Variants in PKHD1 observed in about 807,000 individuals in gnomAD.
PKHD1 encodes fibrocystin.
A neutral mutation model predicts 412.0 loss-of-function variants in PKHD1; 291 were observed. The ratio of observed to expected loss-of-function variants is 0.71; its 90% confidence interval spans 0.64 to 0.78. The LOEUF is 0.78. Among genes scored for constraint, PKHD1 ranks in the 30% least tolerant of loss-of-function variants. The pLI is 0.00. For missense variants in PKHD1, 4,825 were observed against 4,950.7 expected (o/e 0.97, Z 0.76); for synonymous variants, 1,777 against 1,821.5 (o/e 0.98, Z 0.62).
intron 60 of PKHD1, among the ~76,000 whole-genome samples, chr6:51,725,077 G>T (rs1255897864): frequency 6.6e-6 from 1 of 152,114 alleles, no homozygotes; most frequent in African/African-American, 2.4e-5. Flanking sequence ...GTTAAAGTAG[G>T]TCCAGAAATA....
chr6:51,965,985 G>GA (rs1792743320), intron 35 of PKHD1, among the ~76,000 whole-genome samples: 1 of 152,082 alleles, frequency 6.6e-6, no homozygotes, highest in Non-Finnish European at 1.5e-5. Flanking sequence ...ACTTGTGGGA[G>GA]AAAAAATGAT....
rs184779723 is a variant in PKHD1 at position 51,928,334 on chromosome 6, T to C, written c.6121+5776A>G. Among the ~76,000 whole-genome samples the C allele has an allele frequency of 1.0e-3, 157 of 152,266 alleles. 1 individual carries two copies. The highest frequency in any genetic ancestry group is 3.6e-3 in the African/African-American group (150 of 41,570). The stretch of plus-strand genomic sequence containing the variant: ...GGACAAGAAAAAGGATCCATCAGAA[T>C]ACAGACGAAGGTAGTGACTAAAGAA... On this transcript the variant is annotated intron_variant, in intron 37 of 66. Coordinates refer to ENST00000371117, the MANE Select transcript of PKHD1 (RefSeq NM_138694.4).
chr6:51,832,291 G>A (rs1768388733), intron 51 of PKHD1, among the ~76,000 whole-genome samples: 1 of 152,028 alleles, frequency 6.6e-6, no homozygotes, highest in Admixed American at 6.6e-5. Context: ...TAAAGCCTTA[G>A]AAGTTATTCA....
intron 22 of PKHD1, among the ~76,000 whole-genome samples, chr6:52,048,878 A>G (rs1245565385): frequency 6.6e-6 from 1 of 152,198 alleles, no homozygotes; most frequent in Non-Finnish European, 1.5e-5. Context: ...CCTCTCTGCC[A>G]CTGAAGATGT....
chr6:51,829,555 C>T (rs1767896122), intron 52 of PKHD1, among the ~76,000 whole-genome samples: 1 of 152,034 alleles, frequency 6.6e-6, no homozygotes, highest in South Asian at 2.1e-4. Context: ...GACTCACGAG[C>T]TTGTTTATTC....
chr6:51,654,750 T>C (rs1771537867), intron 61 of PKHD1, among the ~76,000 whole-genome samples: 1 of 151,964 alleles, frequency 6.6e-6, no homozygotes, highest in African/African-American at 2.4e-5. Flanking sequence ...TCTGGCACCA[T>C]TCAGTATACG....
intron 48 of PKHD1, among the ~76,000 whole-genome samples, chr6:51,863,831 A>C (rs1445359297): frequency 2.0e-5 from 3 of 152,186 alleles, no homozygotes; most frequent in Non-Finnish European, 1.5e-5. Flanking sequence ...CTAAAGGAAG[A>C]TCTGGGGGCA....
chr6:51,670,279 T>C (rs1008826100), intron 60 of PKHD1, among the ~76,000 whole-genome samples: 3 of 152,208 alleles, frequency 2.0e-5, no homozygotes, highest in African/African-American at 4.8e-5. Context: ...TCTTGTTGAA[T>C]TGATCCGTTT....
At chr6:51,680,428 A>G (rs997379473) in intron 60 of PKHD1, among the ~76,000 whole-genome samples, 2 of 152,048 alleles carry the variant, frequency 1.3e-5, no homozygotes, top group Non-Finnish European at 2.9e-5. Context: ...CCAAGTAACT[A>G]TTGCCCCTAG....
At chr6:51,769,808 T>A (rs1251223364) in intron 55 of PKHD1, among the ~76,000 whole-genome samples, 1 of 151,582 alleles carries the variant, frequency 6.6e-6, no homozygotes, top group Non-Finnish European at 1.5e-5. Flanking sequence ...TGATGACATG[T>A]TCTATAATAT....
intron 60 of PKHD1, among the ~76,000 whole-genome samples, chr6:51,674,980 TA>T (rs1463122162): frequency 2.6e-4 from 40 of 152,278 alleles, no homozygotes; most frequent in African/African-American, 8.9e-4. Context: ...AATTAAAAAA[TA>T]TATGTATTTT....
intron 43 of PKHD1, among the ~76,000 whole-genome samples, chr6:51,893,954 G>A (rs191169158): frequency 6.6e-6 from 1 of 152,212 alleles, no homozygotes; most frequent in African/African-American, 2.4e-5. Flanking sequence ...CCTAAACAGG[G>A]GTCTGGTTAT....
At chr6:51,735,912 C>T (rs774387171) in intron 60 of PKHD1, among the ~76,000 whole-genome samples, 6 of 151,948 alleles carry the variant, frequency 3.9e-5, no homozygotes, top group African/African-American at 7.3e-5. Flanking sequence ...CTGGCCTGGG[C>T]GACAGAGTGA....
intron 60 of PKHD1, among the ~76,000 whole-genome samples, chr6:51,669,961 T>A (rs1581967942): frequency 6.6e-6 from 1 of 151,500 alleles, no homozygotes; most frequent in South Asian, 2.1e-4. Context: ...AGAGCTTTAC[T>A]TCCAACTATG....
chr6:51,793,365 A>G (rs1562323003), intron 52 of PKHD1, among the ~76,000 whole-genome samples: 2 of 152,148 alleles, frequency 1.3e-5, no homozygotes, highest in South Asian at 2.1e-4. Flanking sequence ...TTCATCTTTT[A>G]TTTTAAATTC....
At chr6:51,730,320 T>C (rs1036377360) in intron 60 of PKHD1, among the ~76,000 whole-genome samples, 2 of 152,186 alleles carry the variant, frequency 1.3e-5, no homozygotes, top group Admixed American at 6.5e-5. Flanking sequence ...ATCAATATTT[T>C]CTAGTAATTC....
intron 36 of PKHD1, among the ~76,000 whole-genome samples, chr6:51,959,255 A>G (rs1417859962): frequency 2.6e-5 from 4 of 152,150 alleles, no homozygotes; most frequent in Admixed American, 6.6e-5. Context: ...CCACTAAAGT[A>G]GGCCATGATT....
chr6:51,881,685 T>A (rs1166714255), intron 46 of PKHD1, among the ~76,000 whole-genome samples: 2 of 152,226 alleles, frequency 1.3e-5, no homozygotes, highest in African/African-American at 4.8e-5. Flanking sequence ...ATACTAGGCA[T>A]GAACCTTAAA....
chr6:51,850,385 C>T (rs998870248), intron 49 of PKHD1, among the ~76,000 whole-genome samples: 2 of 151,922 alleles, frequency 1.3e-5, no homozygotes, highest in Admixed American at 6.6e-5. Flanking sequence ...GGGTCTTCTT[C>T]GATTCCATGT....
Sources: gnomAD v4.1 joint callset for allele counts (sites outside exome capture counted in the v4.1 genomes callset) on GRCh38, gnomAD v4.1.1 for gene constraint, MANE v1.5 for transcripts, NCBI Gene and HGNC (gene_info 2026-07-23, HGNC 2026-07-21) for gene names.